The following SAMD12 variants were observed in gnomAD, a reference collection of about 807,000 sequenced individuals.
The protein encoded by SAMD12 is sterile alpha motif domain-containing protein 12.
In SAMD12, 9 loss-of-function variants were observed where a neutral mutation model predicts 15.0. That is an observed-to-expected ratio of 0.60 (90% CI 0.36 to 1.05). The LOEUF (loss-of-function observed/expected upper bound fraction) is 1.05, where lower values mean the gene tolerates loss of function less well. Among genes scored for constraint, SAMD12 ranks in the 50% least tolerant of loss-of-function variants. The probability of loss-of-function intolerance (pLI) is 0.01; values close to 1 mark genes in which losing one functional copy is unlikely to be tolerated. For synonymous variants in SAMD12, 86 were observed against 90.1 expected, an observed-to-expected ratio of 0.96 and a Z score of 0.25; for missense variants, 230 against 234.2, an observed-to-expected ratio of 0.98 and a Z score of 0.12.
At chr8:118,162,309 A>G in the SAMD12 span, among the ~76,000 whole-genome samples, 1 of 149,490 alleles carries the variant, frequency 6.7e-6, no homozygotes. Flanking sequence ...ATCAAATTAC[A>G]TACTTTAAGT....
intron 2 of SAMD12, among the ~76,000 whole-genome samples, chr8:118,463,100 CAAAAAAAAAA>C (rs71292167): frequency 2.4e-4 from 15 of 63,110 alleles, no homozygotes; most frequent in East Asian, 2.0e-3. Context: ...AACTCCGTCT[CAAAAAAAAAA>C]AAAAAAAAAA....
At chr8:118,208,414 G>C (rs1819928367) in intron 4 of SAMD12, among the ~76,000 whole-genome samples, 1 of 152,224 alleles carries the variant, frequency 6.6e-6, no homozygotes, top group South Asian at 2.1e-4. Flanking sequence ...TGGGTATCTT[G>C]TTAAAATGCA....
chr8:118,559,017 G>A (rs1046182589), intron 2 of SAMD12, among the ~76,000 whole-genome samples: 2 of 152,130 alleles, frequency 1.3e-5, no homozygotes, highest in South Asian at 2.1e-4. Flanking sequence ...CCCAATTCAG[G>A]GGGAGAAAAA....
At chr8:118,613,462 C>G (rs576342692) in intron 1 of SAMD12, among the ~76,000 whole-genome samples, 1 of 152,290 alleles carries the variant, frequency 6.6e-6, no homozygotes, top group East Asian at 1.9e-4. Context: ...AGCAACAGGA[C>G]TTATGTCAGC....
exon 5 of SAMD12, chr8:118,194,933 C>G (rs1452721519): frequency 6.6e-6 from 1 of 152,110 alleles, no homozygotes; most frequent in African/African-American, 2.4e-5. Context: ...TGATTTCAAA[C>G]AGAAGTTGAC....
At chr8:118,599,247 T>C (rs746040331) in intron 1 of SAMD12, among the ~76,000 whole-genome samples, 3 of 152,134 alleles carry the variant, frequency 2.0e-5, no homozygotes, top group Admixed American at 1.3e-4. Context: ...ATGTCCAGGT[T>C]TCCACTGCCA....
the SAMD12 span, among the ~76,000 whole-genome samples, chr8:118,175,120 G>C: frequency 5.9e-5 from 9 of 151,404 alleles, no homozygotes; most frequent in Non-Finnish European, 2.9e-5. Context: ...CTAACCAGCT[G>C]GGTGCTGGTA....
exon 5 of SAMD12, chr8:118,193,191 C>G (rs1819456176): frequency 6.6e-6 from 1 of 152,208 alleles, no homozygotes; most frequent in Non-Finnish European, 1.5e-5. Context: ...TGTTACTGTC[C>G]TTTTAGCTAC....
intron 4 of SAMD12, among the ~76,000 whole-genome samples, chr8:118,372,339 C>T (rs1819146263): frequency 6.6e-6 from 1 of 151,700 alleles, no homozygotes; most frequent in Admixed American, 6.6e-5. Flanking sequence ...ACATGTTTGA[C>T]CTGAGATTCT....
chr8:118,490,819 T>C (rs1824421124), intron 2 of SAMD12, among the ~76,000 whole-genome samples: 1 of 152,180 alleles, frequency 6.6e-6, no homozygotes. Context: ...ATCTGCATCC[T>C]CTTGGCCAGA....
At chr8:118,157,872 T>A in the SAMD12 span, among the ~76,000 whole-genome samples, 1 of 152,230 alleles carries the variant, frequency 6.6e-6, no homozygotes, top group Non-Finnish European at 1.5e-5. Flanking sequence ...TTTTCAGGAC[T>A]GTGGACATCA....
rs895311814 is a variant in SAMD12 at position 118,564,297 on chromosome 8, G to A, written c.192+16418C>T. ...GTCTCAAGCCCAGCAACTGAGACCA[G>A]GTACAGCTGCTGAGTACCCAGCAAT... On this transcript the variant is annotated intron_variant, in intron 2 of 3. Transcript: ENST00000314727. 2.7e-5 allele frequency among the ~76,000 whole-genome samples: 4 copies of A among 150,730 alleles called. No homozygotes were observed. The Admixed American group carries it at 2.7e-4, about 10-fold the overall frequency.
At chr8:118,366,879 A>T (rs796784388) in intron 4 of SAMD12, among the ~76,000 whole-genome samples, 489 of 23,918 alleles carry the variant, frequency 0.02, 4 homozygotes, top group African/African-American at 0.042. Context: ...AATAAAATAA[A>T]ATAATAAAAT....
intron 4 of SAMD12, among the ~76,000 whole-genome samples, chr8:118,286,098 A>G (rs991182220): frequency 6.8e-6 from 1 of 148,038 alleles, no homozygotes; most frequent in Admixed American, 6.8e-5. Context: ...GTTCTCACTC[A>G]TAGGTGGGAA....
chr8:118,254,328 G>C (rs560935132), intron 4 of SAMD12, among the ~76,000 whole-genome samples: 67 of 152,100 alleles, frequency 4.4e-4, no homozygotes, highest in Non-Finnish European at 8.7e-4. Flanking sequence ...TTGCAAAAAT[G>C]GCAGTGATGT....
chr8:118,269,111 C>T (rs1332289970), intron 4 of SAMD12, among the ~76,000 whole-genome samples: 1 of 151,638 alleles, frequency 6.6e-6, no homozygotes, highest in African/African-American at 2.4e-5. Context: ...CCTTCCAGCT[C>T]TCCAAATTTT....
chr8:118,167,800 C>G, the SAMD12 span, among the ~76,000 whole-genome samples: 148 of 152,248 alleles, frequency 9.7e-4, 2 homozygotes, highest in East Asian at 0.026. Context: ...CCCCACAGTT[C>G]TCTATGGTGA....
At chr8:118,607,635 C>T (rs541278874) in intron 1 of SAMD12, among the ~76,000 whole-genome samples, 19 of 152,282 alleles carry the variant, frequency 1.2e-4, no homozygotes, top group Middle Eastern at 3.4e-3. Context: ...TTCTGAGTCC[C>T]TTTTTTTATT....
intron 2 of SAMD12, among the ~76,000 whole-genome samples, chr8:118,478,561 T>C (rs1047374495): frequency 4.6e-5 from 7 of 152,236 alleles, no homozygotes; most frequent in African/African-American, 1.7e-4. Context: ...CAACTCATAA[T>C]TGTTCCCCTT....
Sources: gnomAD v4.1 joint callset for allele counts (sites outside exome capture counted in the v4.1 genomes callset) on GRCh38, gnomAD v4.1.1 for gene constraint, MANE v1.5 for transcripts, NCBI Gene and HGNC (gene_info 2026-07-23, HGNC 2026-07-21) for gene names.